GNAI3: variants seen among roughly 807,000 people sequenced by gnomAD.
The protein encoded by GNAI3 is G protein subunit alpha i3.
A neutral mutation model predicts 41.8 loss-of-function variants in GNAI3; 12 were observed. The observed-to-expected ratio is 0.29, with a 90% CI of 0.18 to 0.47. GNAI3 has a LOEUF of 0.47. Among genes scored for constraint, GNAI3 ranks in the 20% least tolerant of loss-of-function variants. GNAI3 has a pLI of 1.00. For missense variants in GNAI3, 360 were observed against 429.6 expected (o/e 0.84, Z 1.43); for synonymous variants, 132 against 146.5 (o/e 0.90, Z 0.71).
chr1:109,591,102 A>T (rs1308441243), intron 7 of GNAI3, among the ~76,000 whole-genome samples: 1 of 152,204 alleles, frequency 6.6e-6, no homozygotes, highest in East Asian at 1.9e-4. Flanking sequence ...TATTGTTGAG[A>T]CAGGCTTTGC....
chr1:109,575,720 T>TG (rs1422706652), intron 3 of GNAI3, among the ~76,000 whole-genome samples: 2 of 151,806 alleles, frequency 1.3e-5, no homozygotes, highest in African/African-American at 2.4e-5. Context: ...TTAGTAGAGA[T>TG]GGAGTTTCAC....
intron 5 of GNAI3, among the ~76,000 whole-genome samples, chr1:109,583,673 C>T (rs926079879): frequency 4.0e-5 from 6 of 151,794 alleles, no homozygotes; most frequent in Non-Finnish European, 7.4e-5. Flanking sequence ...CTCTGCCTTC[C>T]GGGTTCAAGT....
rs992878940 is a variant in GNAI3 at position 109,600,141 on chromosome 1, A to G, written c.*7819A>G. On this transcript the variant is annotated 3_prime_UTR_variant, in exon 9 of 9. Coordinates refer to ENST00000369851, the MANE Select transcript of GNAI3 (RefSeq NM_006496.4). Reference sequence around the variant, plus strand: ...TTCTGATCTGGTTACAAAAAAAAAAAAAACTTGATGGCTTAAAGTAAATAA... The same window carrying G: ...TTCTGATCTGGTTACAAAAAAAAAAGAAACTTGATGGCTTAAAGTAAATAA... 1 of 152,188 alleles carries G rather than the reference A, an allele frequency of 6.6e-6. No homozygotes were observed. The highest frequency in any genetic ancestry group is 2.4e-5 in the African/African-American group (1 of 41,454). 9.4% of individuals were successfully genotyped at this position (152,188 alleles called of 1,614,324 possible).
intron 1 of GNAI3, among the ~76,000 whole-genome samples, chr1:109,561,808 CT>C (rs889734585): frequency 2.5e-4 from 38 of 149,714 alleles, no homozygotes; most frequent in African/African-American, 8.3e-4. Flanking sequence ...TAAATAGCAA[CT>C]TTTTTTTTTA....
At chr1:109,587,743 G>T (rs761340519) in intron 7 of GNAI3, among the ~76,000 whole-genome samples, 12 of 152,114 alleles carry the variant, frequency 7.9e-5, no homozygotes, top group Non-Finnish European at 1.5e-4. Context: ...TCCATATCAT[G>T]GGGTGCATGA....
intron 5 of GNAI3, among the ~76,000 whole-genome samples, chr1:109,583,505 G>C (rs866730505): frequency 6.7e-5 from 10 of 149,520 alleles, no homozygotes; most frequent in South Asian, 2.1e-4. Flanking sequence ...GTGAGCCACC[G>C]TGCCCAGCCC....
At chr1:109,578,238 A>G (rs542826792) in intron 3 of GNAI3, among the ~76,000 whole-genome samples, 84 of 152,294 alleles carry the variant, frequency 5.5e-4, no homozygotes, top group Non-Finnish European at 1.1e-3. Context: ...TGGGAGGCTG[A>G]GGCGAGTGGA....
At chr1:109,573,679 T>C in intron 1 of GNAI3, 58 bp from the exon 2 acceptor site, 1 of 1,340,430 alleles carries the variant, frequency 7.5e-7, no homozygotes, top group Non-Finnish European at 1.1e-6. Flanking sequence ...TTCATGTTGA[T>C]ATTATACTTT....
intron 1 of GNAI3, among the ~76,000 whole-genome samples, 195 bp from the exon 2 acceptor site, chr1:109,573,542 G>T (rs902697398): frequency 6.6e-5 from 10 of 152,072 alleles, no homozygotes; most frequent in African/African-American, 1.9e-4. Flanking sequence ...ATTATACTTG[G>T]TTGCTGAGTT....
intron 3 of GNAI3, 25 bp from the exon 4 acceptor site, chr1:109,579,179 T>C (rs770847157): frequency 7.6e-6 from 12 of 1,586,656 alleles, no homozygotes; most frequent in Non-Finnish European, 1.0e-5. Flanking sequence ...GAGTCATCTG[T>C]CTCTTTCTTA....
chr1:109,573,669 T>A, intron 1 of GNAI3, 68 bp from the exon 2 acceptor site: 2 of 1,282,080 alleles, frequency 1.6e-6, no homozygotes, highest in Non-Finnish European at 2.3e-6. Context: ...AGAGTTATCA[T>A]TCATGTTGAT....
intron 3 of GNAI3, among the ~76,000 whole-genome samples, chr1:109,577,213 G>A (rs1338594639): frequency 6.9e-6 from 1 of 144,022 alleles, no homozygotes. Flanking sequence ...TCATTCATTT[G>A]TTTAAAATTT....
intron 3 of GNAI3, among the ~76,000 whole-genome samples, chr1:109,578,045 C>G (rs932640725): frequency 1.3e-5 from 2 of 152,102 alleles, no homozygotes; most frequent in African/African-American, 4.8e-5. Context: ...AAAATCATCC[C>G]GTGAGACCTG....
At chr1:109,577,065 C>T (rs975968274) in intron 3 of GNAI3, among the ~76,000 whole-genome samples, 1 of 148,596 alleles carries the variant, frequency 6.7e-6, no homozygotes, top group Admixed American at 6.7e-5. Context: ...TGAATACGTG[C>T]ATGGGTATAG....
rs780818013 is a variant in GNAI3 at position 109,586,644 on chromosome 1, CA to C, written c.721-81del. On this transcript the variant is annotated intron_variant, in intron 6 of 8. Coordinates refer to ENST00000369851, the MANE Select transcript of GNAI3 (RefSeq NM_006496.4). ...TTTCCGTGAATGCCATTTAGTGCTG[CA>C]AAACTTGTTGGTTTGTCTTTTTCAT... 6.8e-4 allele frequency: 671 copies of C among 992,758 alleles called. 7 individuals are homozygous for C. Among genetic ancestry groups the C allele is most frequent in the Non-Finnish European group, 1.3e-4 (83 of 662,624 alleles). 61.5% of individuals were successfully genotyped at this position (992,758 alleles called of 1,614,324 possible).
At chr1:109,555,967 T>TGCGTGCGTGCGTGC (rs1553222507) in intron 1 of GNAI3, among the ~76,000 whole-genome samples, 12,722 of 86,352 alleles carry the variant, frequency 0.15, 665 homozygotes, top group East Asian at 0.21. Flanking sequence ...TGCGTGCGTG[T>TGCGTGCGTGCGTGC]GTGTGTGTGT....
rs979942940 is a variant in GNAI3, at chr1:109,596,705, A to T, written c.*4383A>T. On this transcript the variant is annotated 3_prime_UTR_variant, in exon 9 of 9. Transcript: ENST00000369851. ...TCAGGCCTAGGCCTGGGCTGACTCA[A>T]ATCTTCTCAGGAATAAGAGGTAAGA... 1 of 152,208 alleles carries T rather than the reference A, an allele frequency of 6.6e-6. No homozygotes were observed. Among genetic ancestry groups the T allele is most frequent in the African/African-American group, 2.4e-5 (1 of 41,452 alleles). The allele number at this position is 152,208 out of a possible 1,614,324, so 9.4% of individuals were successfully genotyped here.
At chr1:109,575,500 G>A (rs1418119188) in intron 3 of GNAI3, among the ~76,000 whole-genome samples, 3 of 118,470 alleles carry the variant, frequency 2.5e-5, no homozygotes, top group African/African-American at 9.9e-5. Context: ...CCCGCCGTCT[G>A]TCTTCCTTTA....
chr1:109,584,994 C>T (rs1022169315), intron 5 of GNAI3, among the ~76,000 whole-genome samples: 3 of 152,200 alleles, frequency 2.0e-5, no homozygotes, highest in Non-Finnish European at 4.4e-5. Context: ...GCAAGATCAA[C>T]CCAAAGGAAG....
Sources: gnomAD v4.1 joint callset for allele counts (sites outside exome capture counted in the v4.1 genomes callset) on GRCh38, gnomAD v4.1.1 for gene constraint, MANE v1.5 for transcripts, NCBI Gene and HGNC (gene_info 2026-07-23, HGNC 2026-07-21) for gene names.